GHR: variants seen among roughly 807,000 people sequenced by gnomAD.
The protein encoded by GHR is GH receptor.
Under a neutral mutation model 67.1 loss-of-function variants are expected in GHR, and 35 were observed. That is an observed-to-expected ratio of 0.52 (90% CI 0.40 to 0.69). The LOEUF (loss-of-function observed/expected upper bound fraction) is 0.69. Among genes scored for constraint, GHR ranks in the 30% least tolerant of loss-of-function variants. GHR has a pLI of 0.00. For synonymous variants in GHR, 272 were observed against 269.1 expected, an observed-to-expected ratio of 1.01 and a Z score of -0.10; for missense variants, 792 against 764.6, an observed-to-expected ratio of 1.04 and a Z score of -0.42.
At chr5:42,476,637 T>G (rs1745336267) in intron 1 of GHR, among the ~76,000 whole-genome samples, 1 of 152,224 alleles carries the variant, frequency 6.6e-6, no homozygotes, top group Non-Finnish European at 1.5e-5. Context: ...GATTCTCCTT[T>G]TCCTCTACTA....
intron 2 of GHR, among the ~76,000 whole-genome samples, chr5:42,609,528 T>C (rs1752785541): frequency 6.6e-6 from 1 of 152,190 alleles, no homozygotes; most frequent in Non-Finnish European, 1.5e-5. Flanking sequence ...AATCCTGATC[T>C]AGCCCATGGT....
chr5:42,546,308 C>G (rs1425853203), intron 1 of GHR, among the ~76,000 whole-genome samples: 1 of 152,194 alleles, frequency 6.6e-6, no homozygotes, highest in East Asian at 1.9e-4. Context: ...TTTATAACCC[C>G]TCATTGTCTG....
chr5:42,529,971 AAG>A (rs1441758711), intron 1 of GHR, among the ~76,000 whole-genome samples: 1 of 151,752 alleles, frequency 6.6e-6, no homozygotes, highest in East Asian at 1.9e-4. Flanking sequence ...TAGGAAATGA[AAG>A]AGAGTAAATC....
intron 1 of GHR, among the ~76,000 whole-genome samples, chr5:42,543,130 T>C (rs988937384): frequency 6.6e-6 from 1 of 152,168 alleles, no homozygotes; most frequent in African/African-American, 2.4e-5. Flanking sequence ...TAATGACTTA[T>C]TTTCCTTTAG....
At chr5:42,710,292 G>T (rs1758390774) in intron 6 of GHR, among the ~76,000 whole-genome samples, 1 of 152,060 alleles carries the variant, frequency 6.6e-6, no homozygotes, top group Non-Finnish European at 1.5e-5. Context: ...CAAATTATGA[G>T]AATTTTGTTT....
chr5:42,594,474 C>G (rs1293508862), intron 2 of GHR, among the ~76,000 whole-genome samples: 1 of 152,130 alleles, frequency 6.6e-6, no homozygotes, highest in African/African-American at 2.4e-5. Flanking sequence ...TTCCTTGCAT[C>G]TTTCTTAAAA....
intron 1 of GHR, among the ~76,000 whole-genome samples, chr5:42,479,493 C>T (rs1302515220): frequency 2.6e-5 from 4 of 152,124 alleles, no homozygotes; most frequent in Non-Finnish European, 5.9e-5. Context: ...TGGTAGAATT[C>T]GGCTGTGAAT....
At chr5:42,684,527 G>C (rs1757043482) in intron 3 of GHR, among the ~76,000 whole-genome samples, 1 of 152,170 alleles carries the variant, frequency 6.6e-6, no homozygotes, top group South Asian at 2.1e-4. Context: ...AATATTTTCA[G>C]TGCTTTACTG....
At chr5:42,556,130 G>A (rs747687268) in intron 1 of GHR, among the ~76,000 whole-genome samples, 51 of 152,208 alleles carry the variant, frequency 3.4e-4, no homozygotes, top group Non-Finnish European at 6.0e-4. Context: ...GGAAAGAGGG[G>A]TTTCCTCCAA....
chr5:42,548,307 G>C, intron 1 of GHR: 1 of 985,274 alleles, frequency 1.0e-6, no homozygotes, highest in Non-Finnish European at 1.2e-6. Context: ...GAAAGACCAA[G>C]AATTTAGAGA....
chr5:42,590,672 G>T (rs1486489529), intron 2 of GHR, among the ~76,000 whole-genome samples: 2 of 152,216 alleles, frequency 1.3e-5, no homozygotes, highest in African/African-American at 4.8e-5. Flanking sequence ...TCTGCTGTGA[G>T]AAATGTGACT....
At chr5:42,486,721 C>T (rs550396281) in intron 1 of GHR, among the ~76,000 whole-genome samples, 87 of 152,086 alleles carry the variant, frequency 5.7e-4, no homozygotes, top group African/African-American at 2.0e-3. Flanking sequence ...GTGGCGGGCA[C>T]CTGTAGTCCC....
At chr5:42,532,112 T>C (rs1355055275) in intron 1 of GHR, among the ~76,000 whole-genome samples, 1 of 152,078 alleles carries the variant, frequency 6.6e-6, no homozygotes, top group Non-Finnish European at 1.5e-5. Flanking sequence ...GGCTTTTCTC[T>C]GGAATCTGTG....
chr5:42,576,100 A>AAAAT (rs1396306656), intron 2 of GHR, among the ~76,000 whole-genome samples: 608 of 16,132 alleles, frequency 0.038, 27 homozygotes, highest in Middle Eastern at 0.12. Flanking sequence ...AAAATAAAAT[A>AAAAT]AATAAAATAA....
At chr5:42,427,177 C>A (rs367569183) in intron 1 of GHR, among the ~76,000 whole-genome samples, 2 of 152,198 alleles carry the variant, frequency 1.3e-5, no homozygotes, top group African/African-American at 2.4e-5. Context: ...ACAAGATGCC[C>A]TTGATTGTAC....
intron 2 of GHR, among the ~76,000 whole-genome samples, chr5:42,569,348 T>C (rs925682983): frequency 1.1e-4 from 16 of 152,218 alleles, no homozygotes; most frequent in Admixed American, 9.2e-4. Context: ...GGCCAGGGTG[T>C]GTGGTACATA....
At chr5:42,521,401 C>A (rs1481459089) in intron 1 of GHR, among the ~76,000 whole-genome samples, 7 of 152,144 alleles carry the variant, frequency 4.6e-5, no homozygotes, top group African/African-American at 9.7e-5. Context: ...TACTATGAAG[C>A]CATAATTGCT....
At chr5:42,684,793 T>C (rs943446632) in intron 3 of GHR, among the ~76,000 whole-genome samples, 1 of 152,148 alleles carries the variant, frequency 6.6e-6, no homozygotes, top group African/African-American at 2.4e-5. Flanking sequence ...ACAAAAACAC[T>C]CCTGCTATCC....
intron 1 of GHR, among the ~76,000 whole-genome samples, chr5:42,453,385 C>T (rs1480208419): frequency 6.6e-6 from 1 of 152,056 alleles, no homozygotes; most frequent in Non-Finnish European, 1.5e-5. Flanking sequence ...CCGGCAGGCA[C>T]CAGTTGTGGC....
Sources: allele counts gnomAD v4.1 joint callset (sites outside exome capture counted in the v4.1 genomes callset), GRCh38; gene constraint gnomAD v4.1.1; transcripts MANE v1.5; gene names NCBI Gene and HGNC (gene_info 2026-07-23, HGNC 2026-07-21).